The following SLC9B1 variants were observed in gnomAD, a reference collection of about 807,000 sequenced individuals.
SLC9B1 encodes solute carrier family 9 member B1, also known as sodium/hydrogen exchanger 9B1.
A neutral mutation model predicts 51.7 loss-of-function variants in SLC9B1; 32 were observed. The observed-to-expected ratio is 0.62, with a 90% CI of 0.47 to 0.83. SLC9B1 has a LOEUF of 0.83. SLC9B1 is among the 40% of genes least tolerant of loss of function. SLC9B1 has a pLI of 0.00. For missense variants in SLC9B1, 406 were observed against 613.2 expected, an observed-to-expected ratio of 0.66 and a Z score of 3.57; for synonymous variants, 145 against 212.7, an observed-to-expected ratio of 0.68 and a Z score of 2.77.
In SLC9B1 at chr4:102,945,278, C is replaced by CT; in HGVS notation, c.567dup (p.Gly190ArgfsTer55). 1 of 1,602,600 alleles carries CT rather than the reference C, an allele frequency of 6.2e-7. No homozygotes were observed. Among genetic ancestry groups the CT allele is most frequent in the Non-Finnish European group, 8.5e-7 (1 of 1,172,400 alleles). ...GCACTTGCCTCCATAAGGCATGGAC[C>CT]TACAGCCAATCTGAAACAAACGACC... On this transcript the variant is annotated frameshift_variant, in exon 6 of 12. Transcript: ENST00000296422.
chr4:102,922,699 A>G (rs1432652166), intron 7 of SLC9B1, among the ~76,000 whole-genome samples: 1 of 152,144 alleles, frequency 6.6e-6, no homozygotes, highest in Non-Finnish European at 1.5e-5. Context: ...AATCAAATAG[A>G]TGCAATAAAA....
intron 6 of SLC9B1, among the ~76,000 whole-genome samples, chr4:102,939,406 C>CAAAAAAAA (rs56014819): frequency 2.9e-5 from 2 of 68,262 alleles, no homozygotes; most frequent in Non-Finnish European, 5.5e-5. Flanking sequence ...GTCTCTGAGC[C>CAAAAAAAA]AAAAAAAAAA....
In SLC9B1 at chr4:102,990,349, A is replaced by G. The variant is rs182713610; in HGVS notation, c.70-408T>C. On this transcript the variant is annotated intron_variant, in intron 2 of 11. Transcript: ENST00000296422. ...TACTTGGATTCATCTCATTTGATAAATTTATATAACTGAAAGAAAAATGAG... is the reference window on the plus strand; with the variant it reads ...TACTTGGATTCATCTCATTTGATAAGTTTATATAACTGAAAGAAAAATGAG... 5.9e-4 allele frequency among the ~76,000 whole-genome samples: 90 copies of G among 152,222 alleles called. 1 individual carries two copies. Among genetic ancestry groups the G allele is most frequent in the Non-Finnish European group, 1.0e-3 (70 of 67,926 alleles).
intron 1 of SLC9B1, among the ~76,000 whole-genome samples, chr4:103,004,730 G>A (rs1740694172): frequency 6.6e-6 from 1 of 152,126 alleles, no homozygotes; most frequent in Admixed American, 6.6e-5. Context: ...GGCTAAGAGT[G>A]GACCTTTCAG....
intron 9 of SLC9B1, 129 bp downstream of exon 9, chr4:102,910,310 T>C: frequency 1.4e-6 from 1 of 699,166 alleles, no homozygotes; most frequent in Non-Finnish European, 2.2e-6. Context: ...CCTCGATTGA[T>C]TCATACACTT....
chr4:102,915,316 G>A (rs1260903499), intron 7 of SLC9B1, among the ~76,000 whole-genome samples: 1 of 152,150 alleles, frequency 6.6e-6, no homozygotes, highest in African/African-American at 2.4e-5. Context: ...AAACTTCTTT[G>A]GTAAAGGTAA....
chr4:102,978,956 A>G (rs780431201), intron 3 of SLC9B1, among the ~76,000 whole-genome samples: 1 of 152,210 alleles, frequency 6.6e-6, no homozygotes, highest in African/African-American at 2.4e-5. Flanking sequence ...AATTTACCGT[A>G]CATGGTTATA....
intron 3 of SLC9B1, among the ~76,000 whole-genome samples, chr4:102,964,456 T>C (rs1187332246): frequency 3.3e-5 from 5 of 152,134 alleles, no homozygotes; most frequent in African/African-American, 1.2e-4. Flanking sequence ...TTGATATCAA[T>C]ATTACCCTGA....
At chr4:102,964,411 T>G (rs4596243) in intron 3 of SLC9B1, among the ~76,000 whole-genome samples, 83,736 of 151,902 alleles carry the variant, frequency 0.55, 23,689 homozygotes, top group African/African-American at 0.69. Flanking sequence ...AGCAAATAGA[T>G]GAGGAAGGAA....
intron 1 of SLC9B1, among the ~76,000 whole-genome samples, chr4:102,998,302 T>C (rs1186034781): frequency 6.6e-6 from 1 of 152,204 alleles, no homozygotes; most frequent in East Asian, 1.9e-4. Context: ...ATTGCACTTA[T>C]CATGCCTTCA....
At chr4:102,958,271 T>C (rs1737908492) in intron 3 of SLC9B1, among the ~76,000 whole-genome samples, 1 of 151,976 alleles carries the variant, frequency 6.6e-6, no homozygotes, top group Non-Finnish European at 1.5e-5. Flanking sequence ...TAAAAGTGTG[T>C]GGCACTGCCC....
intron 6 of SLC9B1, chr4:102,941,344 G>C (rs778290473): frequency 3.7e-5 from 14 of 378,324 alleles, no homozygotes; most frequent in Non-Finnish European, 7.1e-5. Context: ...GAGAGGACCA[G>C]ACACTTCTCA....
chr4:102,947,851 A>T (rs895054491), intron 4 of SLC9B1, among the ~76,000 whole-genome samples: 2 of 152,246 alleles, frequency 1.3e-5, no homozygotes, highest in Non-Finnish European at 2.9e-5. Context: ...CTAAATAAAG[A>T]TCCAAAACAC....
At chr4:103,014,420 T>C (rs144153105) in intron 1 of SLC9B1, among the ~76,000 whole-genome samples, 3 of 152,360 alleles carry the variant, frequency 2.0e-5, no homozygotes, top group South Asian at 2.1e-4. Context: ...ATTTTTAAAT[T>C]TGACAAATAT....
At chr4:102,990,048 G>A in intron 2 of SLC9B1, 107 bp from the exon 3 acceptor site, 3 of 870,892 alleles carry the variant, frequency 3.4e-6, no homozygotes, top group Non-Finnish European at 5.1e-6. Flanking sequence ...TACTGTCAAT[G>A]CGAGGAATCA....
At chr4:102,919,215 G>A (rs1735738541) in intron 7 of SLC9B1, among the ~76,000 whole-genome samples, 1 of 152,214 alleles carries the variant, frequency 6.6e-6, no homozygotes, top group South Asian at 2.1e-4. Context: ...AATTTCTGCA[G>A]TCAGCTTGAA....
intron 3 of SLC9B1, among the ~76,000 whole-genome samples, chr4:102,969,266 C>T (rs1171666585): frequency 1.3e-5 from 2 of 152,114 alleles, no homozygotes; most frequent in Non-Finnish European, 2.9e-5. Context: ...GCCGGGTGTC[C>T]CTCTGATATG....
intron 1 of SLC9B1, among the ~76,000 whole-genome samples, chr4:103,015,692 C>G (rs1438421168): frequency 6.6e-6 from 1 of 152,170 alleles, no homozygotes; most frequent in Non-Finnish European, 1.5e-5. Context: ...TATTCCTCCT[C>G]ACTCTTTACT....
intron 3 of SLC9B1, among the ~76,000 whole-genome samples, chr4:102,983,120 A>G (rs1042409048): frequency 6.6e-6 from 1 of 152,082 alleles, no homozygotes; most frequent in Non-Finnish European, 1.5e-5. Flanking sequence ...ATTTTGTCAG[A>G]TACCTTTCTG....
Sources: gnomAD v4.1 joint callset for allele counts (sites outside exome capture counted in the v4.1 genomes callset) on GRCh38, gnomAD v4.1.1 for gene constraint, MANE v1.5 for transcripts, NCBI Gene and HGNC (gene_info 2026-07-23, HGNC 2026-07-21) for gene names.